The following KCNMA1 variants were observed in gnomAD, a reference collection of about 807,000 sequenced individuals.
The protein encoded by KCNMA1 is potassium calcium-activated channel subfamily M alpha 1, also known as Calcium-activated potassium channel subunit alpha-1.
KCNMA1 carries 29 observed loss-of-function variants against 140.0 expected under a neutral mutation model. The observed-to-expected ratio is 0.21, with a 90% CI of 0.15 to 0.28. The LOEUF (loss-of-function observed/expected upper bound fraction) is 0.28. Ranked by LOEUF, KCNMA1 falls within the 10% of genes least tolerant of loss-of-function variation. KCNMA1 has a pLI of 1.00. For missense variants in KCNMA1, 880 were observed against 1,602.2 expected (o/e 0.55, Z 7.70); for synonymous variants, 612 against 611.9 (o/e 1.00, Z 0.00).
At chr10:77,058,373 G>A (rs1187054590) in intron 14 of KCNMA1, among the ~76,000 whole-genome samples, 3 of 151,862 alleles carry the variant, frequency 2.0e-5, no homozygotes, top group South Asian at 4.2e-4. Context: ...AATCAGCAAG[G>A]GTATAGAAGA....
At chr10:76,891,816 T>C in intron 25 of KCNMA1, 97 bp from the exon 26 acceptor site, 1 of 974,510 alleles carries the variant, frequency 1.0e-6, no homozygotes, top group Non-Finnish European at 1.6e-6. Context: ...TGGTATCTCC[T>C]GTTTAAAGTT....
chr10:77,025,439 T>C, intron 16 of KCNMA1: 8 of 1,602,562 alleles, frequency 5.0e-6, no homozygotes, highest in Non-Finnish European at 6.8e-6. Context: ...TAACGAAGAG[T>C]GCATACCGCT....
intron 1 of KCNMA1, among the ~76,000 whole-genome samples, chr10:77,430,427 A>G (rs1462498769): frequency 6.6e-6 from 1 of 152,166 alleles, no homozygotes; most frequent in Non-Finnish European, 1.5e-5. Context: ...CCCTCTTTGG[A>G]AAAAGCACAG....
chr10:77,592,116 A>C (rs2079382105), intron 1 of KCNMA1, among the ~76,000 whole-genome samples: 1 of 152,238 alleles, frequency 6.6e-6, no homozygotes. Flanking sequence ...CAGATATTCC[A>C]GTGGCAGGAG....
chr10:77,418,323 C>G (rs1190609178), intron 1 of KCNMA1, among the ~76,000 whole-genome samples: 1 of 152,170 alleles, frequency 6.6e-6, no homozygotes, highest in Non-Finnish European at 1.5e-5. Context: ...GCCTGGGACC[C>G]CTCCAACCCT....
At chr10:77,367,126 G>C (rs539367362) in intron 2 of KCNMA1, among the ~76,000 whole-genome samples, 1 of 152,302 alleles carries the variant, frequency 6.6e-6, no homozygotes, top group Admixed American at 6.5e-5. Context: ...GGACTGGCAG[G>C]GTCGGGGATG....
At chr10:77,067,096 G>A (rs1297890843) in intron 14 of KCNMA1, among the ~76,000 whole-genome samples, 1 of 152,292 alleles carries the variant, frequency 6.6e-6, no homozygotes, top group African/African-American at 2.4e-5. Context: ...ACATTATTCT[G>A]GGTGTGTCTT....
intron 1 of KCNMA1, among the ~76,000 whole-genome samples, chr10:77,588,934 G>T (rs999338802): frequency 2.0e-5 from 3 of 152,240 alleles, no homozygotes; most frequent in African/African-American, 7.2e-5. Context: ...CAGGGGAGGA[G>T]CTGGCAAACA....
At chr10:77,544,432 C>T (rs2060943698) in intron 1 of KCNMA1, among the ~76,000 whole-genome samples, 1 of 152,094 alleles carries the variant, frequency 6.6e-6, no homozygotes, top group Admixed American at 6.6e-5. Context: ...GAGAAGAAGC[C>T]ACACACCAAG....
intron 18 of KCNMA1, among the ~76,000 whole-genome samples, chr10:77,008,771 C>T (rs548620934): frequency 3.9e-5 from 6 of 152,276 alleles, no homozygotes; most frequent in South Asian, 2.1e-4. Flanking sequence ...TGGACTAACA[C>T]GTTTGGACAG....
At chr10:77,247,797 T>A (rs2058872506) in intron 3 of KCNMA1, among the ~76,000 whole-genome samples, 1 of 152,132 alleles carries the variant, frequency 6.6e-6, no homozygotes, top group African/African-American at 2.4e-5. Flanking sequence ...GGCATCTTCC[T>A]CTGCTTGGGT....
chr10:77,174,337 A>G (rs1271643526), intron 5 of KCNMA1, among the ~76,000 whole-genome samples: 1 of 152,220 alleles, frequency 6.6e-6, no homozygotes, highest in East Asian at 1.9e-4. Context: ...CACTTCAAAA[A>G]ACATTTGCTA....
intron 2 of KCNMA1, among the ~76,000 whole-genome samples, chr10:77,335,891 A>G (rs2088738079): frequency 1.3e-5 from 2 of 152,106 alleles, no homozygotes; most frequent in South Asian, 2.1e-4. Flanking sequence ...CTCACTTCAT[A>G]TCACCCCTTG....
intron 2 of KCNMA1, among the ~76,000 whole-genome samples, chr10:77,354,148 A>C (rs920138997): frequency 2.5e-4 from 38 of 152,140 alleles, no homozygotes; most frequent in Admixed American, 1.5e-3. Flanking sequence ...CACCACACCC[A>C]GCTAATTTTT....
intron 2 of KCNMA1, among the ~76,000 whole-genome samples, chr10:77,399,468 A>T (rs1383467822): frequency 6.6e-6 from 1 of 152,232 alleles, no homozygotes; most frequent in East Asian, 1.9e-4. Context: ...AAAAGGAAGC[A>T]GTACTCTTGA....
intron 1 of KCNMA1, among the ~76,000 whole-genome samples, chr10:77,466,490 A>G (rs250707): frequency 0.38 from 57,675 of 152,110 alleles, 11,712 homozygotes; most frequent in East Asian, 0.63. Context: ...AAATAGGCAG[A>G]AAGGATTCCT....
At chr10:77,040,505 A>C (rs1293223049) in intron 14 of KCNMA1, among the ~76,000 whole-genome samples, 2 of 152,206 alleles carry the variant, frequency 1.3e-5, no homozygotes, top group Non-Finnish European at 2.9e-5. Flanking sequence ...ATTCTGTAAA[A>C]AGGCACATTA....
chr10:77,576,139 C>A (rs1054363610), intron 1 of KCNMA1, among the ~76,000 whole-genome samples: 9 of 152,188 alleles, frequency 5.9e-5, no homozygotes, highest in African/African-American at 2.2e-4. Context: ...TGGGTGGAAC[C>A]TGTGCTGCTG....
At chr10:77,524,923 C>T (rs11816403) in intron 1 of KCNMA1, among the ~76,000 whole-genome samples, 6,965 of 152,274 alleles carry the variant, frequency 0.046, 542 homozygotes, top group African/African-American at 0.16. Flanking sequence ...ATCACCTGCA[C>T]GGATATGATC....
Sources: allele counts gnomAD v4.1 joint callset (sites outside exome capture counted in the v4.1 genomes callset), GRCh38; gene constraint gnomAD v4.1.1; transcripts MANE v1.5; gene names NCBI Gene and HGNC (gene_info 2026-07-23, HGNC 2026-07-21).